Variants in C12orf75 observed in about 807,000 individuals in gnomAD.
The protein encoded by C12orf75 is overexpressed in colon carcinoma 1 protein.
C12orf75 carries 4 observed loss-of-function variants against 11.4 expected under a neutral mutation model. The observed-to-expected ratio is 0.35, with a 90% CI of 0.17 to 0.80. C12orf75 has a LOEUF of 0.80. C12orf75 is among the 30% of genes least tolerant of loss of function. The pLI, the probability that C12orf75 is intolerant of heterozygous loss-of-function variation, is 0.52. For missense variants in C12orf75, 89 were observed against 80.4 expected, an observed-to-expected ratio of 1.11 and a Z score of -0.41; for synonymous variants, 30 against 30.0, an observed-to-expected ratio of 1.00 and a Z score of 0.00.
At chr12:105,338,895 A>G (rs11112475) in intron 1 of C12orf75, among the ~76,000 whole-genome samples, 27,977 of 152,156 alleles carry the variant, frequency 0.18, 2,926 homozygotes, top group Non-Finnish European at 0.24. Flanking sequence ...GGGGACAAAC[A>G]AACCAAACTC....
chr12:105,341,269 T>G (rs1197112350), intron 1 of C12orf75, among the ~76,000 whole-genome samples: 1 of 152,200 alleles, frequency 6.6e-6, no homozygotes, highest in Non-Finnish European at 1.5e-5. Flanking sequence ...ACACATACAA[T>G]TTTTGTATGA....
At chr12:105,346,588 C>A (rs1892644441) in intron 1 of C12orf75, among the ~76,000 whole-genome samples, 1 of 152,092 alleles carries the variant, frequency 6.6e-6, no homozygotes, top group Admixed American at 6.5e-5. Flanking sequence ...CATAATGTAT[C>A]ATTTTAACAG....
chr12:105,355,861 CTGG>C (rs1455474321), intron 2 of C12orf75, among the ~76,000 whole-genome samples: 12 of 5,030 alleles, frequency 2.4e-3, no homozygotes, highest in Non-Finnish European at 3.8e-3. Context: ...AAGAGAATAA[CTGG>C]GGGGAGGAGA....
chr12:105,334,661 C>CA (rs1317137661), intron 1 of C12orf75, among the ~76,000 whole-genome samples: 1 of 152,162 alleles, frequency 6.6e-6, no homozygotes, highest in Non-Finnish European at 1.5e-5. Context: ...TTTAAAGTGT[C>CA]ACATTTGTTA....
At chr12:105,357,996 C>A (rs1036391697) in intron 2 of C12orf75, among the ~76,000 whole-genome samples, 1 of 152,028 alleles carries the variant, frequency 6.6e-6, no homozygotes, top group African/African-American at 2.4e-5. Flanking sequence ...AGGTGCAAGC[C>A]AGCATGCTTG....
At chr12:105,338,291 C>T (rs982260282) in intron 1 of C12orf75, among the ~76,000 whole-genome samples, 2 of 152,134 alleles carry the variant, frequency 1.3e-5, no homozygotes, top group East Asian at 1.9e-4. Context: ...TTTCCTTCCT[C>T]GGCCTCCCGA....
chr12:105,343,128 A>C (rs1428738429), intron 1 of C12orf75, among the ~76,000 whole-genome samples: 2 of 152,232 alleles, frequency 1.3e-5, no homozygotes, highest in Non-Finnish European at 2.9e-5. Flanking sequence ...AAGATATTTA[A>C]AATTATGATT....
intron 1 of C12orf75, among the ~76,000 whole-genome samples, chr12:105,343,579 T>G (rs1892599952): frequency 6.6e-6 from 1 of 152,246 alleles, no homozygotes; most frequent in South Asian, 2.1e-4. Flanking sequence ...AAAGTGTAAT[T>G]AAAAGGTTGC....
chr12:105,343,216 T>C (rs1411711882), intron 1 of C12orf75, among the ~76,000 whole-genome samples: 1 of 152,202 alleles, frequency 6.6e-6, no homozygotes, highest in East Asian at 1.9e-4. Flanking sequence ...TCTCTCTATA[T>C]TTTTTGGTGT....
intron 2 of C12orf75, among the ~76,000 whole-genome samples, chr12:105,359,946 A>G (rs945163251): frequency 2.6e-5 from 4 of 151,898 alleles, no homozygotes; most frequent in African/African-American, 9.7e-5. Flanking sequence ...GGACAGTTTG[A>G]CCTCTTTTCT....
At chr12:105,355,831 A>C (rs185286551) in intron 2 of C12orf75, among the ~76,000 whole-genome samples, 2 of 144,292 alleles carry the variant, frequency 1.4e-5, no homozygotes, top group East Asian at 4.1e-4. Context: ...AATAATTCCT[A>C]ACACTGTGTG....
chr12:105,330,961 C>T lies in C12orf75; in HGVS notation c.46+24C>T, dbSNP rs1428827230. The T allele has an allele frequency of 2.5e-6, 3 of 1,199,908 alleles. No individual in the cohort carries two copies. In the African/African-American group the frequency reaches 4.7e-5, roughly 19 times the overall value. The allele number at this position is 1,199,908 out of a possible 1,614,324, so 74.3% of individuals were successfully genotyped here. ...AGGTGAGTCCGGCGGGAGGCGGGGG[C>T]CGGCGGGGGCGGGCGGGAGAGGCGG... is the stretch of plus-strand genomic sequence containing the variant. On this transcript the variant is annotated intron_variant, in intron 1 of 5. Coordinates refer to ENST00000443585, the MANE Select transcript of C12orf75 (RefSeq NM_001145199.2).
intron 2 of C12orf75, among the ~76,000 whole-genome samples, chr12:105,364,445 A>G (rs1221564907): frequency 1.3e-5 from 2 of 152,228 alleles, no homozygotes; most frequent in African/African-American, 4.8e-5. Context: ...TTCCAGTATT[A>G]GCTGTTCATG....
intron 2 of C12orf75, among the ~76,000 whole-genome samples, chr12:105,358,623 A>G (rs973751407): frequency 6.6e-6 from 1 of 152,218 alleles, no homozygotes. Context: ...CATTTTTTCA[A>G]ATGTTGCATT....
chr12:105,346,208 G>A (rs913725378), intron 1 of C12orf75, among the ~76,000 whole-genome samples: 5 of 151,752 alleles, frequency 3.3e-5, no homozygotes, highest in African/African-American at 1.2e-4. Context: ...AGTGTACATC[G>A]TACAGGTATT....
chr12:105,348,197 T>C (rs925578273), intron 1 of C12orf75, among the ~76,000 whole-genome samples: 2 of 152,138 alleles, frequency 1.3e-5, no homozygotes, highest in African/African-American at 4.8e-5. Context: ...GGAGGATTGC[T>C]TAAGCCCAGG....
intron 2 of C12orf75, among the ~76,000 whole-genome samples, chr12:105,357,306 C>A (rs557491756): frequency 6.6e-6 from 1 of 152,326 alleles, no homozygotes; most frequent in East Asian, 1.9e-4. Context: ...ACAGAGGAAA[C>A]CCGAAGCCAT....
At position 105,366,648 on chromosome 12, in the gene C12orf75, T is replaced by C. The variant is rs115497271; in HGVS notation, c.139T>C (p.Ser47Pro). ...TGGAGGAGTATATGTTGGCCTACCA[T>C]CTGAAGCTGTCAATATGGTGTCCAG... is the stretch of plus-strand genomic sequence containing the variant. ...NYGGVYVGLP[S>P]EAVNMVSSQT... The change falls in exon 4 of 6, where the codon TCT becomes CCT. Residue 47 changes from serine to proline, a missense_variant. By Grantham distance (74) the Ser-to-Pro change is moderately conservative. Transcript: ENST00000443585. The C allele has an allele frequency of 6.3e-5, 97 of 1,544,358 alleles. No individual in the cohort carries two copies. In the African/African-American group the frequency reaches 1.2e-3, roughly 20 times the overall value.
At chr12:105,339,741 C>T (rs1478764854) in intron 1 of C12orf75, among the ~76,000 whole-genome samples, 2 of 151,910 alleles carry the variant, frequency 1.3e-5, no homozygotes, top group South Asian at 2.1e-4. Flanking sequence ...CTCAGCCTCC[C>T]GAGTAGCTGG....
Sources: allele counts gnomAD v4.1 joint callset (sites outside exome capture counted in the v4.1 genomes callset), GRCh38; gene constraint gnomAD v4.1.1; transcripts MANE v1.5; gene names NCBI Gene and HGNC (gene_info 2026-07-23, HGNC 2026-07-21).